Variants in RHBDD1 observed in about 807,000 individuals in gnomAD.
RHBDD1 encodes rhomboid-related protein 4.
RHBDD1 carries 38 observed loss-of-function variants against 36.3 expected under a neutral mutation model. The ratio of observed to expected loss-of-function variants is 1.05; its 90% CI spans 0.81 to 1.37. The LOEUF (loss-of-function observed/expected upper bound fraction) is 1.37. RHBDD1 is among the 40% of genes most tolerant of loss of function. The pLI, the probability that RHBDD1 is intolerant of heterozygous loss-of-function variation, is 0.00. For missense variants in RHBDD1, 393 were observed against 377.6 expected (o/e 1.04, Z -0.34); for synonymous variants, 151 against 136.5 (o/e 1.11, Z -0.74).
intron 8 of RHBDD1, among the ~76,000 whole-genome samples, chr2:226,975,354 TTTTA>T (rs1425852057): frequency 2.0e-5 from 3 of 152,148 alleles, no homozygotes; most frequent in African/African-American, 4.8e-5. Context: ...ACTTATACAA[TTTTA>T]TTTGTCAATT....
intron 4 of RHBDD1, among the ~76,000 whole-genome samples, chr2:226,866,424 T>A (rs1944349522): frequency 6.6e-6 from 1 of 152,182 alleles, no homozygotes; most frequent in Non-Finnish European, 1.5e-5. Context: ...ACCTGCTGAC[T>A]GTTGAGGGAT....
At chr2:226,804,219 G>T in the RHBDD1 span, 1 of 152,296 alleles carries the variant, frequency 6.6e-6, no homozygotes, top group Non-Finnish European at 1.5e-5. Flanking sequence ...TTTCCAAGGT[G>T]TGATTGAAAA....
At chr2:226,957,746 A>T (rs534218593) in intron 8 of RHBDD1, among the ~76,000 whole-genome samples, 1 of 152,334 alleles carries the variant, frequency 6.6e-6, no homozygotes, top group Non-Finnish European at 1.5e-5. Flanking sequence ...CTGAATAGAC[A>T]TTTATCCAAA....
rs542772819 is a variant in RHBDD1, at chr2:226,989,722, G to T, written c.857-5709G>T. 8.5e-5 allele frequency among the ~76,000 whole-genome samples: 13 copies of T among 152,254 alleles called. No homozygotes were observed. The South Asian group carries it at 2.7e-3, about 32-fold the overall frequency. On this transcript the variant is annotated intron_variant, in intron 8 of 8. Transcript: ENST00000392062. ...GTTATAGCTTACTCGATTGTTAACT[G>T]GATTATGGCCTGTTGATTTTAAGTC...
intron 8 of RHBDD1, among the ~76,000 whole-genome samples, chr2:226,926,261 T>C (rs928650839): frequency 1.3e-5 from 2 of 151,832 alleles, no homozygotes; most frequent in African/African-American, 2.4e-5. Flanking sequence ...GTGCTACTTA[T>C]CTACAACATC....
chr2:226,824,489 T>C, the RHBDD1 span, among the ~76,000 whole-genome samples: 1 of 152,190 alleles, frequency 6.6e-6, no homozygotes, highest in African/African-American at 2.4e-5. Flanking sequence ...AAAGAAAGGA[T>C]TGAGTTAAGT....
At chr2:226,844,370 A>C (rs1016606635) in intron 3 of RHBDD1, among the ~76,000 whole-genome samples, 3 of 151,602 alleles carry the variant, frequency 2.0e-5, no homozygotes, top group African/African-American at 7.3e-5. Flanking sequence ...GATGCTATGC[A>C]GGCAAAAAGC....
chr2:226,978,609 T>A (rs1223360125), intron 8 of RHBDD1, among the ~76,000 whole-genome samples: 1 of 152,232 alleles, frequency 6.6e-6, no homozygotes, highest in Non-Finnish European at 1.5e-5. Context: ...TCCCCAGGCA[T>A]AGAATGTGGA....
At chr2:226,937,080 G>A (rs951630691) in intron 8 of RHBDD1, among the ~76,000 whole-genome samples, 8 of 152,186 alleles carry the variant, frequency 5.3e-5, no homozygotes, top group African/African-American at 1.9e-4. Context: ...ATAATTTTTA[G>A]CCTCAGAAGT....
intron 3 of RHBDD1, among the ~76,000 whole-genome samples, chr2:226,859,295 C>T (rs1943623070): frequency 6.6e-6 from 1 of 152,108 alleles, no homozygotes; most frequent in African/African-American, 2.4e-5. Flanking sequence ...TGAACATGTA[C>T]AGACTTTTTT....
At chr2:226,983,891 T>C (rs147236011) in intron 8 of RHBDD1, among the ~76,000 whole-genome samples, 4 of 152,332 alleles carry the variant, frequency 2.6e-5, no homozygotes, top group Non-Finnish European at 4.4e-5. Context: ...AAAATGCTTC[T>C]TTATACCTTT....
chr2:226,862,786 T>C (rs1943973185), intron 3 of RHBDD1, among the ~76,000 whole-genome samples: 1 of 152,186 alleles, frequency 6.6e-6, no homozygotes, highest in Admixed American at 6.5e-5. Flanking sequence ...AAGTTCAAGA[T>C]TGAGCATCTG....
intron 5 of RHBDD1, among the ~76,000 whole-genome samples, chr2:226,898,752 A>T (rs1314673110): frequency 1.3e-5 from 2 of 152,158 alleles, no homozygotes; most frequent in Non-Finnish European, 1.5e-5. Context: ...AGTACTGCGA[A>T]TCTGGGACCA....
At chr2:226,982,546 C>T (rs988531868) in intron 8 of RHBDD1, among the ~76,000 whole-genome samples, 2 of 152,202 alleles carry the variant, frequency 1.3e-5, no homozygotes, top group Non-Finnish European at 2.9e-5. Context: ...TTTCTAGCTA[C>T]TGAATGTTCT....
At chr2:226,820,922 G>A in the RHBDD1 span, among the ~76,000 whole-genome samples, 1 of 152,112 alleles carries the variant, frequency 6.6e-6, no homozygotes, top group East Asian at 1.9e-4. Flanking sequence ...AAGAAATGGG[G>A]CCTGTAACTG....
chr2:226,988,441 G>A (rs112368937), intron 8 of RHBDD1: 26,594 of 1,550,062 alleles, frequency 0.017, 273 homozygotes, highest in Non-Finnish European at 0.021. Flanking sequence ...CCGCAGTTTG[G>A]ACCTAAGGAA....
intron 8 of RHBDD1, among the ~76,000 whole-genome samples, chr2:226,988,058 T>C (rs1009014519): frequency 6.6e-6 from 1 of 152,160 alleles, no homozygotes; most frequent in Non-Finnish European, 1.5e-5. Flanking sequence ...ATGAAAGTCA[T>C]AGCAGGTGGC....
chr2:226,885,893 A>G (rs936277390), intron 5 of RHBDD1, among the ~76,000 whole-genome samples: 17 of 152,186 alleles, frequency 1.1e-4, no homozygotes, highest in Non-Finnish European at 2.5e-4. Context: ...GATAACCGAG[A>G]TGGCTGTTAA....
intron 5 of RHBDD1, among the ~76,000 whole-genome samples, chr2:226,875,517 A>G (rs761931361): frequency 2.6e-5 from 4 of 152,198 alleles, no homozygotes; most frequent in African/African-American, 4.8e-5. Context: ...CAGTTTAGCA[A>G]AAGAAACACT....
Sources: gnomAD v4.1 joint callset for allele counts (sites outside exome capture counted in the v4.1 genomes callset) on GRCh38, gnomAD v4.1.1 for gene constraint, MANE v1.5 for transcripts, NCBI Gene and HGNC (gene_info 2026-07-23, HGNC 2026-07-21) for gene names.